PLCXD3: variants seen among roughly 807,000 people sequenced by gnomAD.
PLCXD3 encodes phosphatidylinositol specific phospholipase C X domain containing 3.
In PLCXD3, 19 loss-of-function variants were observed where a neutral mutation model predicts 25.5. The observed-to-expected ratio is 0.75, with a 90% CI of 0.52 to 1.09. PLCXD3 has a LOEUF of 1.09. Among genes scored for constraint, PLCXD3 ranks in the 50% least tolerant of loss-of-function variants. PLCXD3 has a pLI of 0.00. For missense variants in PLCXD3, 411 were observed against 388.1 expected (o/e 1.06, Z -0.50); for synonymous variants, 174 against 137.6 (o/e 1.26, Z -1.85).
At chr5:41,405,348 A>G (rs567656780) in intron 1 of PLCXD3, among the ~76,000 whole-genome samples, 8 of 152,212 alleles carry the variant, frequency 5.3e-5, no homozygotes, top group Admixed American at 3.3e-4. Context: ...TTCTGTAACC[A>G]ACATGTATTT....
intron 1 of PLCXD3, among the ~76,000 whole-genome samples, chr5:41,412,689 A>G (rs1326024474): frequency 6.6e-6 from 1 of 152,156 alleles, no homozygotes; most frequent in East Asian, 1.9e-4. Flanking sequence ...CATCTTTATT[A>G]CATTATCTTT....
chr5:41,359,492 T>C (rs1360376092), intron 2 of PLCXD3, among the ~76,000 whole-genome samples: 1 of 152,196 alleles, frequency 6.6e-6, no homozygotes, highest in Non-Finnish European at 1.5e-5. Flanking sequence ...GGTTTTCTAG[T>C]CGATGTGCAT....
intron 1 of PLCXD3, among the ~76,000 whole-genome samples, chr5:41,474,906 T>C (rs1338407458): frequency 6.6e-6 from 1 of 152,208 alleles, no homozygotes; most frequent in East Asian, 1.9e-4. Flanking sequence ...ACCCGTTCTC[T>C]GACTGGGAGA....
chr5:41,355,080 C>T (rs148580278), intron 2 of PLCXD3, among the ~76,000 whole-genome samples: 9 of 152,298 alleles, frequency 5.9e-5, no homozygotes, highest in African/African-American at 2.2e-4. Context: ...TCAAGCTTCC[C>T]TTTCTCCAGT....
chr5:41,494,145 C>G (rs1748784644), intron 1 of PLCXD3, among the ~76,000 whole-genome samples: 1 of 152,224 alleles, frequency 6.6e-6, no homozygotes, highest in Non-Finnish European at 1.5e-5. Context: ...AATGCCCAGG[C>G]TGAAGTGCAG....
chr5:41,371,506 T>A (rs142782808), intron 2 of PLCXD3, among the ~76,000 whole-genome samples: 1 of 152,256 alleles, frequency 6.6e-6, no homozygotes, highest in East Asian at 1.9e-4. Context: ...TATAGACTTG[T>A]CCTTGCTTTC....
intron 1 of PLCXD3, among the ~76,000 whole-genome samples, chr5:41,510,031 C>T (rs1363563091): frequency 1.3e-5 from 2 of 152,224 alleles, no homozygotes; most frequent in African/African-American, 4.8e-5. Flanking sequence ...GAGCCCCTGA[C>T]ACTAGCTCGC....
At chr5:41,341,750 C>T (rs1009120629) in intron 2 of PLCXD3, among the ~76,000 whole-genome samples, 3 of 152,042 alleles carry the variant, frequency 2.0e-5, no homozygotes, top group African/African-American at 7.2e-5. Flanking sequence ...ATTTTTACAT[C>T]TCTTGGAATC....
intron 1 of PLCXD3, among the ~76,000 whole-genome samples, chr5:41,495,062 C>A (rs1008355149): frequency 6.6e-6 from 1 of 152,230 alleles, no homozygotes; most frequent in African/African-American, 2.4e-5. Flanking sequence ...AAATCCTGCA[C>A]TCCAGATGAG....
rs1022319513 is a variant in PLCXD3, at chr5:41,308,307, A to G, written c.*5310T>C. On this transcript the variant is annotated 3_prime_UTR_variant, in exon 3 of 3. Transcript: ENST00000377801. ...TTTTTTTAAAGTGAAAGTATGTCTG[A>G]TTAAATATATGAGAAATATGCTAAA... 3.3e-5 allele frequency: 5 copies of G among 152,208 alleles called. No individual in the cohort carries two copies. The highest frequency in any genetic ancestry group is 1.2e-4 in the African/African-American group (5 of 41,470). The allele number at this position is 152,208 out of a possible 1,614,324, so 9.4% of individuals were successfully genotyped here. A position where few individuals can be genotyped will look rare whatever the true frequency, so the allele number is the denominator to read the frequency against.
chr5:41,504,487 C>A (rs1476745317), intron 1 of PLCXD3, among the ~76,000 whole-genome samples: 2 of 152,200 alleles, frequency 1.3e-5, no homozygotes, highest in Non-Finnish European at 2.9e-5. Flanking sequence ...GCACTCAGGG[C>A]TTCAGCAGTG....
At chr5:41,509,648 A>C (rs1418336395) in intron 1 of PLCXD3, among the ~76,000 whole-genome samples, 1 of 152,190 alleles carries the variant, frequency 6.6e-6, no homozygotes, top group Non-Finnish European at 1.5e-5. Flanking sequence ...CCCTCCGCTC[A>C]GGTCACGCAG....
At chr5:41,394,957 C>T (rs1745951605) in intron 1 of PLCXD3, among the ~76,000 whole-genome samples, 1 of 152,138 alleles carries the variant, frequency 6.6e-6, no homozygotes, top group African/African-American at 2.4e-5. Context: ...TGGACTTCAT[C>T]TGCATCATAG....
chr5:41,455,045 T>G (rs1747722737), intron 1 of PLCXD3, among the ~76,000 whole-genome samples: 2 of 151,780 alleles, frequency 1.3e-5, no homozygotes, highest in Non-Finnish European at 2.9e-5. Context: ...TCACTCACTA[T>G]CACCAGAACA....
intron 1 of PLCXD3, among the ~76,000 whole-genome samples, chr5:41,392,606 G>A (rs1745863828): frequency 6.6e-6 from 1 of 152,142 alleles, no homozygotes; most frequent in South Asian, 2.1e-4. Context: ...AATAAGCCCA[G>A]ATAGTGAAGA....
At chr5:41,477,922 A>G (rs1166343202) in intron 1 of PLCXD3, among the ~76,000 whole-genome samples, 2 of 152,238 alleles carry the variant, frequency 1.3e-5, no homozygotes, top group Non-Finnish European at 2.9e-5. Context: ...TGGGAAAATT[A>G]CAAAGTCACT....
At chr5:41,336,972 G>A (rs754091230) in intron 2 of PLCXD3, among the ~76,000 whole-genome samples, 15 of 152,268 alleles carry the variant, frequency 9.9e-5, no homozygotes, top group South Asian at 2.1e-4. Context: ...TAGATGGCAG[G>A]AAATTCTGCG....
At chr5:41,387,869 T>C (rs1178753644) in intron 1 of PLCXD3, among the ~76,000 whole-genome samples, 3 of 152,130 alleles carry the variant, frequency 2.0e-5, no homozygotes, top group East Asian at 3.8e-4. Flanking sequence ...ATAATTATAA[T>C]ACATTTTGGT....
At chr5:41,395,349 C>G (rs1403428141) in intron 1 of PLCXD3, among the ~76,000 whole-genome samples, 2 of 151,850 alleles carry the variant, frequency 1.3e-5, no homozygotes, top group Admixed American at 6.6e-5. Context: ...AAATTTATAG[C>G]TATAAGTGCC....
Sources: gnomAD v4.1 joint callset for allele counts (sites outside exome capture counted in the v4.1 genomes callset) on GRCh38, gnomAD v4.1.1 for gene constraint, MANE v1.5 for transcripts, NCBI Gene and HGNC (gene_info 2026-07-23, HGNC 2026-07-21) for gene names.